Variants in DAB2IP observed in about 807,000 individuals in gnomAD.
DAB2IP encodes the protein disabled homolog 2-interacting protein.
DAB2IP carries 28 observed loss-of-function variants against 107.2 expected under a neutral mutation model. That is an observed-to-expected ratio of 0.26 (90% confidence interval 0.19 to 0.36). DAB2IP has a LOEUF of 0.36. Among genes scored for constraint, DAB2IP ranks in the 10% least tolerant of loss-of-function variants. The pLI is 1.00. For synonymous variants in DAB2IP, 755 were observed against 706.4 expected, an observed-to-expected ratio of 1.07 and a Z score of -1.09; for missense variants, 1,400 against 1,644.7, an observed-to-expected ratio of 0.85 and a Z score of 2.57.
intron 1 of DAB2IP, among the ~76,000 whole-genome samples, chr9:121,632,430 T>C (rs529221289): frequency 2.2e-4 from 34 of 152,176 alleles, no homozygotes; most frequent in Admixed American, 2.2e-3. Context: ...AAGTTTCAGA[T>C]CAGGACCAAA....
At chr9:121,589,686 C>G (rs1198899169) in intron 1 of DAB2IP, among the ~76,000 whole-genome samples, 1 of 152,238 alleles carries the variant, frequency 6.6e-6, no homozygotes, top group African/African-American at 2.4e-5. Flanking sequence ...CAAAAGGAGC[C>G]GAATGACATT....
chr9:121,747,032 G>T (rs563007787), intron 3 of DAB2IP, among the ~76,000 whole-genome samples: 1 of 152,292 alleles, frequency 6.6e-6, no homozygotes, highest in East Asian at 1.9e-4. Flanking sequence ...ATGGGGGAGG[G>T]CAGTGGGCTA....
chr9:121,747,915 TG>T (rs1195400017), intron 3 of DAB2IP, among the ~76,000 whole-genome samples: 1 of 151,770 alleles, frequency 6.6e-6, no homozygotes, highest in African/African-American at 2.4e-5. Context: ...TGTTCCTGAA[TG>T]TTTTTTGAAA....
At chr9:121,737,173 A>AC (rs1282967659) in intron 3 of DAB2IP, 1 of 921,234 alleles carries the variant, frequency 1.1e-6, no homozygotes, top group Admixed American at 6.4e-5. Flanking sequence ...CTTGACCCAG[A>AC]CCTCTGTGCT....
chr9:121,771,714 G>T (rs188740212), intron 11 of DAB2IP, among the ~76,000 whole-genome samples: 1 of 151,996 alleles, frequency 6.6e-6, no homozygotes, highest in South Asian at 2.1e-4. Flanking sequence ...ACTGCTCTCC[G>T]TCTTTCCTGG....
chr9:121,623,724 A>G (rs147470126), intron 1 of DAB2IP, among the ~76,000 whole-genome samples: 2 of 150,868 alleles, frequency 1.3e-5, no homozygotes, highest in East Asian at 2.0e-4. Context: ...GTCTTGCTCT[A>G]TTGCCCAGGT....
intron 1 of DAB2IP, among the ~76,000 whole-genome samples, chr9:121,572,022 C>A (rs1829956575): frequency 6.6e-6 from 1 of 152,050 alleles, no homozygotes; most frequent in Admixed American, 6.6e-5. Flanking sequence ...GGTGCCAGCC[C>A]CTTGGAGCTG....
chr9:121,758,969 C>G, exon 5 of DAB2IP: 1 of 1,613,358 alleles, frequency 6.2e-7, no homozygotes, highest in African/African-American at 1.3e-5. Flanking sequence ...GGATGGAGAA[C>G]CTCCGGCGAG....
intron 1 of DAB2IP, among the ~76,000 whole-genome samples, chr9:121,669,539 A>G (rs1422795201): frequency 6.6e-6 from 1 of 152,100 alleles, no homozygotes; most frequent in African/African-American, 2.4e-5. Flanking sequence ...GGTCGAAGGG[A>G]GTGGGATTCA....
intron 3 of DAB2IP, among the ~76,000 whole-genome samples, chr9:121,747,814 G>GT (rs1234920115): frequency 6.8e-6 from 1 of 147,676 alleles, no homozygotes; most frequent in Non-Finnish European, 1.5e-5. Context: ...TAGATGGAAA[G>GT]TTTTTTGTTT....
intron 2 of DAB2IP, among the ~76,000 whole-genome samples, chr9:121,694,347 C>T (rs915334743): frequency 4.6e-5 from 7 of 152,178 alleles, no homozygotes; most frequent in African/African-American, 1.7e-4. Context: ...AATTCTGAAG[C>T]TCTTATCCTC....
rs754765656 is a variant in DAB2IP at position 121,699,431 on chromosome 9, C to T, written c.335C>T (p.Ala112Val). Reference sequence around the variant, plus strand: ...CACATCCTGCCGGGGTTCCGGAGCGCCGCCGCCGCCGCCGCGGACAATGAG... The same window carrying T: ...CACATCCTGCCGGGGTTCCGGAGCGTCGCCGCCGCCGCCGCGGACAATGAG... Residue 112 changes from alanine (A) to valine (V), a missense_variant, in exon 3 of 16, where the codon GCC (alanine) becomes GTC (valine). Transcript: ENST00000408936. This position sits in a 1 kb window ranked among gnomAD's most constrained non-coding sequence, Gnocchi z 6.2. The T allele has an allele frequency of 1.4e-6, 2 of 1,397,734 alleles. No homozygotes were observed. Among genetic ancestry groups the T allele is most frequent in the Non-Finnish European group, 9.4e-7 (1 of 1,060,318 alleles). The allele number at this position is 1,397,734 out of a possible 1,614,324, so 86.6% of individuals were successfully genotyped here.
intron 3 of DAB2IP, among the ~76,000 whole-genome samples, chr9:121,708,397 C>A (rs1246257666): frequency 6.6e-6 from 1 of 152,226 alleles, no homozygotes; most frequent in Non-Finnish European, 1.5e-5. Context: ...CCCTCTCCCT[C>A]CTCAGAGAAG....
chr9:121,671,653 T>C (rs1446934331), intron 1 of DAB2IP, among the ~76,000 whole-genome samples: 2 of 152,228 alleles, frequency 1.3e-5, no homozygotes, highest in Non-Finnish European at 2.9e-5. Flanking sequence ...GGTATATAAG[T>C]GGATTACACA....
At chr9:121,650,390 C>T (rs1385443463), upstream of DAB2IP, among the ~76,000 whole-genome samples, 2 of 152,344 alleles carry the variant, frequency 1.3e-5, no homozygotes, top group East Asian at 1.9e-4. Flanking sequence ...GGGGGCTTCC[C>T]CTGTGAGGTG....
Position 121,687,707 on chromosome 9 carries a change from T to TA in DAB2IP, c.228+8927dup, listed in dbSNP as rs1458863127. Among the ~76,000 whole-genome samples the TA allele has an allele frequency of 2.0e-5, 3 of 152,138 alleles. No individual in the cohort carries two copies. The East Asian group carries it at 5.8e-4, about 29-fold the overall frequency. ...TCTAAGTATTGTCTCATTTAATCCTTACAACTCGAGGCTCAGATAACACAA... is the reference window on the plus strand; with the variant it reads ...TCTAAGTATTGTCTCATTTAATCCTTAACAACTCGAGGCTCAGATAACACAA... On this transcript the variant is annotated intron_variant, in intron 2 of 15. Transcript: ENST00000408936.
rs187117176 is a variant in DAB2IP, at chr9:121,729,933, C to T, written c.363-27080C>T. ...CTCCTTTTCTCCCTGGAAGGCTCCT[C>T]CCAGCAACCTTGGGAGGTGTGTGGG... On this transcript the variant is annotated intron_variant, in intron 3 of 15. Coordinates refer to ENST00000408936, the Ensembl canonical transcript of DAB2IP. Among the ~76,000 whole-genome samples, 215 of 152,250 alleles carry T rather than the reference C, an allele frequency of 1.4e-3. 1 individual carries two copies. The South Asian group carries it at 0.023, about 16-fold the overall frequency.
In DAB2IP at chr9:121,572,287, A is replaced by G. The variant is rs1457154637; in HGVS notation, c.40+5059A>G. Among the ~76,000 whole-genome samples, 3 of 152,100 alleles carry G rather than the reference A, an allele frequency of 2.0e-5. No homozygotes were observed. In the South Asian group the frequency reaches 6.2e-4, roughly 31 times the overall value. ...GTCTGCTCACCAGCCTGACTCCCAC[A>G]TGAGACTATAAGGCCCTTGAGGGCA... On this transcript the variant is annotated intron_variant, in intron 1 of 16. Transcript: ENST00000259371.
chr9:121,729,480 G>A (rs1475872660), intron 3 of DAB2IP, among the ~76,000 whole-genome samples: 1 of 152,166 alleles, frequency 6.6e-6, no homozygotes, highest in African/African-American at 2.4e-5. Context: ...AGTAAGGGAT[G>A]GAGGGCAGCA....
Sources: allele counts gnomAD v4.1 joint callset (sites outside exome capture counted in the v4.1 genomes callset), GRCh38; gene constraint gnomAD v4.1.1; non-coding constraint Gnocchi (gnomAD v3.1); transcripts MANE v1.5; gene names NCBI Gene and HGNC (gene_info 2026-07-23, HGNC 2026-07-21).